The following LUZP1 variants were observed in gnomAD, a reference collection of about 807,000 sequenced individuals.
The protein encoded by LUZP1 is filamin mechanobinding actin cross-linking protein.
In LUZP1, 25 loss-of-function variants were observed where a neutral mutation model predicts 71.3. That is an observed-to-expected ratio of 0.35 (90% confidence interval 0.26 to 0.49). The LOEUF (loss-of-function observed/expected upper bound fraction) is 0.49, where lower values mean the gene tolerates loss of function less well. Among genes scored for constraint, LUZP1 ranks in the 20% least tolerant of loss-of-function variants. The pLI is 0.99. For synonymous variants in LUZP1, 481 were observed against 506.4 expected (o/e 0.95, Z 0.67); for missense variants, 1,142 against 1,300.8 (o/e 0.88, Z 1.88).
intron 2 of LUZP1, among the ~76,000 whole-genome samples, chr1:23,137,597 C>T (rs1316982361): frequency 1.3e-5 from 2 of 151,732 alleles, no homozygotes; most frequent in Non-Finnish European, 1.5e-5. Flanking sequence ...GCCAAGATTG[C>T]GCCACTGCAC....
At chr1:23,119,251 CTTTTTTTTT>C (rs35522356) in intron 2 of LUZP1, among the ~76,000 whole-genome samples, 2 of 69,998 alleles carry the variant, frequency 2.9e-5, no homozygotes, top group African/African-American at 1.2e-4. Context: ...GTGACTAGCT[CTTTTTTTTT>C]TTTTTTTTTT....
intron 2 of LUZP1, among the ~76,000 whole-genome samples, chr1:23,167,542 C>A (rs1188363952): frequency 6.6e-6 from 1 of 152,156 alleles, no homozygotes; most frequent in African/African-American, 2.4e-5. Context: ...TTTGGGGGTG[C>A]CTACTCTCTT....
chr1:23,107,911 G>GTT (rs1165412594), intron 3 of LUZP1, among the ~76,000 whole-genome samples: 2 of 152,228 alleles, frequency 1.3e-5, no homozygotes, highest in African/African-American at 4.8e-5. Flanking sequence ...CCTCAGAGGG[G>GTT]TTGACATGAG....
intron 2 of LUZP1, among the ~76,000 whole-genome samples, chr1:23,146,489 T>C (rs550864981): frequency 1.4e-4 from 21 of 152,276 alleles, no homozygotes; most frequent in African/African-American, 4.6e-4. Flanking sequence ...ATAATACCTA[T>C]CACACAGAAT....
At chr1:23,122,647 G>A (rs1644139713) in intron 2 of LUZP1, among the ~76,000 whole-genome samples, 1 of 152,172 alleles carries the variant, frequency 6.6e-6, no homozygotes, top group Admixed American at 6.6e-5. Flanking sequence ...CAAGATTCCA[G>A]GACACTGAAG....
chr1:23,091,544 G>A (rs1401924920), exon 4 of LUZP1: 9 of 1,614,006 alleles, frequency 5.6e-6, no homozygotes, highest in Middle Eastern at 3.3e-4. Flanking sequence ...CTTCTGAAGG[G>A]GCACTATGGC....
exon 5 of LUZP1, chr1:23,085,334 A>G (rs1643747794): frequency 6.6e-6 from 1 of 152,656 alleles, no homozygotes. Flanking sequence ...ATTCTCTTAA[A>G]AATACATTCC....
intron 2 of LUZP1, among the ~76,000 whole-genome samples, chr1:23,122,382 T>G (rs1644137053): frequency 6.6e-6 from 1 of 152,174 alleles, no homozygotes; most frequent in Admixed American, 6.5e-5. Flanking sequence ...AGCACCACAT[T>G]ATATGTACAG....
At chr1:23,134,504 T>C (rs1482565316) in intron 2 of LUZP1, among the ~76,000 whole-genome samples, 1 of 151,080 alleles carries the variant, frequency 6.6e-6, no homozygotes, top group Non-Finnish European at 1.5e-5. Context: ...CAAGGCCAGG[T>C]GTGGTGACTT....
intron 2 of LUZP1, among the ~76,000 whole-genome samples, chr1:23,113,136 T>C (rs1167435836): frequency 6.6e-6 from 1 of 152,214 alleles, no homozygotes; most frequent in Non-Finnish European, 1.5e-5. Context: ...CTCATGCCTG[T>C]AATCCTGGCA....
chr1:23,115,722 G>T (rs1284590119), intron 2 of LUZP1, among the ~76,000 whole-genome samples: 1 of 152,002 alleles, frequency 6.6e-6, no homozygotes, highest in Non-Finnish European at 1.5e-5. Flanking sequence ...TGTATTTTTA[G>T]TAGAGATGGG....
intron 1 of LUZP1, among the ~76,000 whole-genome samples, chr1:23,175,105 A>T (rs186701640): frequency 6.6e-6 from 1 of 152,076 alleles, no homozygotes; most frequent in Non-Finnish European, 1.5e-5. Flanking sequence ...CATTATTGCT[A>T]TCTTGCAGAC....
Position 23,164,451 on chromosome 1 carries a change from C to T in LUZP1, c.-226+4315G>A, listed in dbSNP as rs1569709341. ...AGCTTGCAGTGAGCCAAGATCACACCACTGCACTTCAGCCTGGGTGACACA... is the reference window on the plus strand; with the variant it reads ...AGCTTGCAGTGAGCCAAGATCACACTACTGCACTTCAGCCTGGGTGACACA... On this transcript the variant is annotated intron_variant, in intron 2 of 4. Coordinates refer to ENST00000302291, the Ensembl canonical transcript of LUZP1. Among the ~76,000 whole-genome samples the T allele has an allele frequency of 2.6e-5, 4 of 151,560 alleles. No individual in the cohort carries two copies. In the East Asian group the frequency reaches 7.8e-4, roughly 29 times the overall value.
At chr1:23,175,973 C>A (rs1420768106) in intron 1 of LUZP1, among the ~76,000 whole-genome samples, 1 of 152,010 alleles carries the variant, frequency 6.6e-6, no homozygotes, top group Non-Finnish European at 1.5e-5. Flanking sequence ...GGATTTTAAC[C>A]CAGGAATGCC....
At chr1:23,099,585 CT>C (rs1643915854) in intron 3 of LUZP1, among the ~76,000 whole-genome samples, 1 of 152,254 alleles carries the variant, frequency 6.6e-6, no homozygotes, top group Admixed American at 6.5e-5. Context: ...AACGTTAAAC[CT>C]TAGTATAGCC....
intron 2 of LUZP1, among the ~76,000 whole-genome samples, chr1:23,138,661 GTT>G (rs1491152234): frequency 0.018 from 2,032 of 113,658 alleles, 17 homozygotes; most frequent in South Asian, 0.083. Flanking sequence ...TGGATTATGT[GTT>G]TGTGTGTGTG....
chr1:23,126,726 T>C (rs1015330897), intron 2 of LUZP1, among the ~76,000 whole-genome samples: 1 of 152,238 alleles, frequency 6.6e-6, no homozygotes, highest in African/African-American at 2.4e-5. Flanking sequence ...CTGTCAGCTG[T>C]ACCTTTCATC....
intron 2 of LUZP1, among the ~76,000 whole-genome samples, chr1:23,141,775 G>A (rs1415834779): frequency 2.6e-5 from 4 of 152,050 alleles, no homozygotes; most frequent in Non-Finnish European, 5.9e-5. Context: ...GACCTCCTGG[G>A]CTCAAGCGAT....
intron 2 of LUZP1, among the ~76,000 whole-genome samples, chr1:23,152,164 T>C (rs1334429251): frequency 6.6e-6 from 1 of 152,098 alleles, no homozygotes; most frequent in Non-Finnish European, 1.5e-5. Context: ...GCAAATTATG[T>C]TAAAAAAATC....
Sources: gnomAD v4.1 joint callset for allele counts (sites outside exome capture counted in the v4.1 genomes callset) on GRCh38, gnomAD v4.1.1 for gene constraint, MANE v1.5 for transcripts, NCBI Gene and HGNC (gene_info 2026-07-23, HGNC 2026-07-21) for gene names.